NDUFAF6: variants seen among roughly 807,000 people sequenced by gnomAD.
NDUFAF6 encodes NADH dehydrogenase (ubiquinone) complex I, assembly factor 6.
In NDUFAF6, 45 loss-of-function variants were observed where a neutral mutation model predicts 40.8. The observed-to-expected ratio is 1.10, with a 90% CI of 0.87 to 1.42. The LOEUF (loss-of-function observed/expected upper bound fraction) is 1.42, where lower values mean the gene tolerates loss of function less well. Among genes scored for constraint, NDUFAF6 ranks in the 40% most tolerant of loss-of-function variants. The pLI, the probability that NDUFAF6 is intolerant of heterozygous loss-of-function variation, is 0.00. For synonymous variants in NDUFAF6, 185 were observed against 155.9 expected (o/e 1.19, Z -1.39); for missense variants, 435 against 418.5 (o/e 1.04, Z -0.34).
downstream of NDUFAF6, among the ~76,000 whole-genome samples, chr8:95,107,502 A>C (rs1809874533): frequency 6.6e-6 from 1 of 152,174 alleles, no homozygotes; most frequent in Non-Finnish European, 1.5e-5. Context: ...CAGGGAAGGG[A>C]TAGCTTTAGG....
intron 1 of NDUFAF6, chr8:94,930,751 T>G (rs372668524): frequency 6.2e-7 from 1 of 1,611,864 alleles, no homozygotes; most frequent in Non-Finnish European, 8.5e-7. Flanking sequence ...AAAGTGGGGA[T>G]GTATTAAATA....
intron 1 of NDUFAF6, chr8:94,939,701 A>G: frequency 9.3e-7 from 1 of 1,078,750 alleles, no homozygotes. Context: ...ACTGGTCAAC[A>G]AGTTATCTTA....
upstream of NDUFAF6, among the ~76,000 whole-genome samples, chr8:94,955,016 T>C (rs1822956038): frequency 6.6e-6 from 1 of 152,142 alleles, no homozygotes; most frequent in Non-Finnish European, 1.5e-5. Context: ...AAAGAACAGA[T>C]AATTATGGAG....
intron 3 of NDUFAF6, among the ~76,000 whole-genome samples, chr8:95,039,463 A>AC (rs1554672246): frequency 6.7e-6 from 1 of 149,068 alleles, no homozygotes; most frequent in African/African-American, 2.5e-5. Flanking sequence ...AAAAAAAAAA[A>AC]GGGGGGGTTT....
upstream of NDUFAF6, among the ~76,000 whole-genome samples, chr8:94,953,658 T>C (rs542413507): frequency 2.6e-5 from 4 of 152,280 alleles, no homozygotes; most frequent in Non-Finnish European, 5.9e-5. Flanking sequence ...GAGGTGGGTC[T>C]GTAATCATGA....
intron 1 of NDUFAF6, among the ~76,000 whole-genome samples, chr8:94,896,085 C>A (rs887539978): frequency 6.6e-6 from 1 of 152,198 alleles, no homozygotes; most frequent in African/African-American, 2.4e-5. Flanking sequence ...ACGCCGCGCC[C>A]TCCCTTGCTT....
downstream of NDUFAF6, among the ~76,000 whole-genome samples, chr8:95,077,908 C>T (rs1808684633): frequency 6.6e-6 from 1 of 151,608 alleles, no homozygotes; most frequent in African/African-American, 2.4e-5. Context: ...GCATGGCCAG[C>T]CCCCCGAGAT....
upstream of NDUFAF6, among the ~76,000 whole-genome samples, chr8:94,956,475 AG>A (rs1169755543): frequency 6.6e-6 from 1 of 152,184 alleles, no homozygotes; most frequent in Non-Finnish European, 1.5e-5. Flanking sequence ...GAGTGCAGTG[AG>A]GGAAAGAGAC....
downstream of NDUFAF6, chr8:95,078,662 A>AAAAAAT (rs545018367): frequency 5.1e-4 from 62 of 121,042 alleles, no homozygotes; most frequent in African/African-American, 1.8e-3. Flanking sequence ...AAAAAAAAAA[A>AAAAAAT]ATATATATAT....
intron 2 of NDUFAF6, among the ~76,000 whole-genome samples, chr8:95,088,517 TA>T (rs1387819244): frequency 2.6e-5 from 4 of 152,176 alleles, no homozygotes; most frequent in Non-Finnish European, 5.9e-5. Flanking sequence ...CCACACTTTG[TA>T]AAACAACAGG....
At chr8:94,901,219 C>G (rs2131170422) in intron 1 of NDUFAF6, among the ~76,000 whole-genome samples, 1 of 152,058 alleles carries the variant, frequency 6.6e-6, no homozygotes, top group African/African-American at 2.4e-5. Flanking sequence ...ACGTAGTGAG[C>G]AAGGGAGTGA....
intron 1 of NDUFAF6, chr8:94,940,988 G>A (rs1311172359): frequency 2.7e-6 from 4 of 1,465,710 alleles, no homozygotes; most frequent in Non-Finnish European, 2.8e-6. Context: ...TTATAGCTGA[G>A]ATTTCAAAAC....
chr8:95,005,310 G>A (rs1586948991), intron 2 of NDUFAF6, among the ~76,000 whole-genome samples: 1 of 151,870 alleles, frequency 6.6e-6, no homozygotes, highest in African/African-American at 2.4e-5. Context: ...ATTCACAAGG[G>A]TTTCTTTGAA....
intron 2 of NDUFAF6, among the ~76,000 whole-genome samples, chr8:95,101,522 C>T (rs920577949): frequency 5.3e-5 from 8 of 152,156 alleles, no homozygotes; most frequent in South Asian, 4.1e-4. Context: ...CTTCCTCATG[C>T]TGTCATGATG....
chr8:94,993,219 A>C, intron 2 of NDUFAF6, among the ~76,000 whole-genome samples: 1 of 152,182 alleles, frequency 6.6e-6, no homozygotes, highest in Non-Finnish European at 1.5e-5. Flanking sequence ...ATATTGGATT[A>C]GGACCCACTC....
intron 4 of NDUFAF6, among the ~76,000 whole-genome samples, chr8:95,111,452 T>G (rs1285997603): frequency 6.6e-6 from 1 of 152,254 alleles, no homozygotes; most frequent in African/African-American, 2.4e-5. Context: ...TACTTGGTGT[T>G]TATAAAGTGG....
chr8:95,022,520 T>G (rs533656935), upstream of NDUFAF6, among the ~76,000 whole-genome samples: 30 of 148,832 alleles, frequency 2.0e-4, no homozygotes, highest in African/African-American at 7.2e-4. Context: ...ACTGAATAAA[T>G]GATAGTAAGA....
intron 4 of NDUFAF6, among the ~76,000 whole-genome samples, chr8:95,111,366 A>T (rs956335631): frequency 2.0e-5 from 3 of 152,242 alleles, no homozygotes; most frequent in African/African-American, 7.2e-5. Context: ...ATAAAACTCT[A>T]TTCAAATCCT....
chr8:95,093,976 G>A (rs978398312), intron 2 of NDUFAF6, among the ~76,000 whole-genome samples: 3 of 151,712 alleles, frequency 2.0e-5, no homozygotes, highest in African/African-American at 7.3e-5. Context: ...TCCTTTTTTT[G>A]TTGTTTTTTT....
Sources: gnomAD v4.1 joint callset for allele counts (sites outside exome capture counted in the v4.1 genomes callset) on GRCh38, gnomAD v4.1.1 for gene constraint, MANE v1.5 for transcripts, NCBI Gene and HGNC (gene_info 2026-07-23, HGNC 2026-07-21) for gene names.